LRRTM4: variants seen among roughly 807,000 people sequenced by gnomAD.
The protein encoded by LRRTM4 is leucine-rich repeat transmembrane neuronal protein 4.
In LRRTM4, 25 loss-of-function variants were observed where a neutral mutation model predicts 47.6. The observed-to-expected ratio is 0.53, with a 90% CI of 0.38 to 0.73. The LOEUF (loss-of-function observed/expected upper bound fraction) is 0.73. LRRTM4 is among the 30% of genes least tolerant of loss of function. LRRTM4 has a pLI of 0.00. For synonymous variants in LRRTM4, 311 were observed against 269.5 expected, an observed-to-expected ratio of 1.15 and a Z score of -1.51; for missense variants, 638 against 713.4, an observed-to-expected ratio of 0.89 and a Z score of 1.20.
At chr2:77,140,133 T>C (rs1315119792) in intron 3 of LRRTM4, among the ~76,000 whole-genome samples, 2 of 152,270 alleles carry the variant, frequency 1.3e-5, no homozygotes, top group East Asian at 3.9e-4. Flanking sequence ...ACTTTAAAGT[T>C]CATATGGAAC....
intron 3 of LRRTM4, among the ~76,000 whole-genome samples, chr2:77,045,801 G>T (rs921180547): frequency 6.6e-6 from 1 of 151,798 alleles, no homozygotes; most frequent in Non-Finnish European, 1.5e-5. Context: ...GTGTTTATCA[G>T]CAGCATGAAA....
chr2:77,345,344 G>A (rs1671524075), intron 3 of LRRTM4, among the ~76,000 whole-genome samples: 2 of 151,766 alleles, frequency 1.3e-5, no homozygotes, highest in South Asian at 4.1e-4. Flanking sequence ...AAATGCAGGA[G>A]TAGGAGAAGG....
At chr2:77,378,000 T>G (rs1672901953) in intron 3 of LRRTM4, among the ~76,000 whole-genome samples, 1 of 152,022 alleles carries the variant, frequency 6.6e-6, no homozygotes, top group Non-Finnish European at 1.5e-5. Context: ...AATACTTTGG[T>G]AATTTAGGTT....
intron 3 of LRRTM4, among the ~76,000 whole-genome samples, chr2:76,809,158 A>G (rs1237897383): frequency 1.3e-5 from 2 of 152,244 alleles, no homozygotes; most frequent in Non-Finnish European, 2.9e-5. Context: ...TCAGTCAGCT[A>G]TAATGACACC....
rs1411497694 is a variant in LRRTM4, at chr2:76,959,086, C to T, written c.1552-210170G>A. 4.6e-5 allele frequency among the ~76,000 whole-genome samples: 7 copies of T among 151,718 alleles called. 1 individual carries two copies. The highest frequency in any genetic ancestry group is 4.6e-4 in the Admixed American group (7 of 15,194). ...CTGCATCATGAGCATAATCAGGCCT[C>T]TAAGCCCAGGGCATCCCTTTGGCTG... On this transcript the variant is annotated intron_variant, in intron 3 of 3. Coordinates refer to ENST00000409884, the MANE Select transcript of LRRTM4 (RefSeq NM_001134745.3).
At chr2:76,820,029 C>T (rs890728618) in intron 3 of LRRTM4, among the ~76,000 whole-genome samples, 9 of 151,902 alleles carry the variant, frequency 5.9e-5, no homozygotes, top group African/African-American at 2.2e-4. Flanking sequence ...CAGATATCCA[C>T]CCCCAGTTCT....
chr2:76,974,479 C>T (rs572283917), intron 3 of LRRTM4, among the ~76,000 whole-genome samples: 1 of 150,718 alleles, frequency 6.6e-6, no homozygotes, highest in Non-Finnish European at 1.5e-5. Flanking sequence ...AACTAAACTC[C>T]TACTATCTAT....
At chr2:77,077,296 A>T (rs1427470496) in intron 3 of LRRTM4, among the ~76,000 whole-genome samples, 2 of 152,146 alleles carry the variant, frequency 1.3e-5, no homozygotes, top group Non-Finnish European at 2.9e-5. Flanking sequence ...AAATAACTAT[A>T]ATCAATCTGA....
chr2:77,319,528 G>T (rs1321092364), intron 3 of LRRTM4, among the ~76,000 whole-genome samples: 1 of 152,170 alleles, frequency 6.6e-6, no homozygotes, highest in Non-Finnish European at 1.5e-5. Flanking sequence ...GAGCCTAGGG[G>T]AGTAAGTGGT....
At position 77,049,122 on chromosome 2, in the gene LRRTM4, TTATATATATATA is replaced by T. The variant is rs3058032; in HGVS notation, c.1552-300218_1552-300207del. Among the ~76,000 whole-genome samples, 7 of 62,684 alleles carry T rather than the reference TTATATATATATA, an allele frequency of 1.1e-4. 1 individual carries two copies. The South Asian group carries it at 1.8e-3, about 16-fold the overall frequency. 41.1% of individuals were successfully genotyped at this position (62,684 alleles called of 152,430 possible). A position where few individuals can be genotyped will look rare whatever the true frequency, so the allele number is the denominator to read the frequency against. ...TTTTGACTAAATAATATTTCATTTT[TTATATATATATA>T]TATATATATATATATATATATATAC... On this transcript the variant is annotated intron_variant, in intron 3 of 3. Transcript: ENST00000409884.
chr2:77,245,752 G>A (rs1437036888), intron 3 of LRRTM4, among the ~76,000 whole-genome samples: 1 of 152,082 alleles, frequency 6.6e-6, no homozygotes, highest in Non-Finnish European at 1.5e-5. Flanking sequence ...TAGCATGTGT[G>A]TTTAGGTTTT....
intron 3 of LRRTM4, among the ~76,000 whole-genome samples, chr2:77,461,138 T>TGAGA (rs72075725): frequency 0.049 from 7,166 of 145,376 alleles, 248 homozygotes; most frequent in East Asian, 0.14. Context: ...ACATACACAG[T>TGAGA]GAGAGAGAGA....
At chr2:77,149,948 G>A (rs1301809904) in intron 3 of LRRTM4, among the ~76,000 whole-genome samples, 1 of 152,132 alleles carries the variant, frequency 6.6e-6, no homozygotes, top group South Asian at 2.1e-4. Flanking sequence ...AAGATAATCA[G>A]TGTGGTCCTC....
chr2:77,051,362 A>C (rs1008905548), intron 3 of LRRTM4, among the ~76,000 whole-genome samples: 3 of 152,130 alleles, frequency 2.0e-5, no homozygotes, highest in African/African-American at 7.2e-5. Flanking sequence ...GTTTAGGGAG[A>C]GGCCAAGTGA....
intron 3 of LRRTM4, among the ~76,000 whole-genome samples, chr2:76,827,526 T>G (rs17013233): frequency 0.037 from 5,589 of 151,864 alleles, 316 homozygotes; most frequent in African/African-American, 0.12. Flanking sequence ...AAACTACACA[T>G]AATGATGACT....
At chr2:77,401,839 T>C (rs1340826908) in intron 3 of LRRTM4, among the ~76,000 whole-genome samples, 2 of 151,976 alleles carry the variant, frequency 1.3e-5, no homozygotes, top group African/African-American at 2.4e-5. Context: ...TACGATTAGA[T>C]GTAGAATTCA....
chr2:77,045,568 A>G (rs1679206282), intron 3 of LRRTM4, among the ~76,000 whole-genome samples: 1 of 151,914 alleles, frequency 6.6e-6, no homozygotes, highest in South Asian at 2.1e-4. Flanking sequence ...TCGTGAGGGC[A>G]GGTGTTTCCT....
chr2:77,272,453 A>G (rs1676225822), intron 3 of LRRTM4, among the ~76,000 whole-genome samples: 1 of 152,194 alleles, frequency 6.6e-6, no homozygotes, highest in Non-Finnish European at 1.5e-5. Flanking sequence ...GCCTGAGAAG[A>G]CATGGAGATC....
chr2:77,439,381 A>T (rs1387418199), intron 3 of LRRTM4, among the ~76,000 whole-genome samples: 1 of 152,162 alleles, frequency 6.6e-6, no homozygotes, highest in African/African-American at 2.4e-5. Context: ...TACGGGCAAA[A>T]AAGTCAAATA....
Sources: gnomAD v4.1 joint callset for allele counts (sites outside exome capture counted in the v4.1 genomes callset) on GRCh38, gnomAD v4.1.1 for gene constraint, MANE v1.5 for transcripts, NCBI Gene and HGNC (gene_info 2026-07-23, HGNC 2026-07-21) for gene names.